The following SRC variants were observed in gnomAD, a reference collection of about 807,000 sequenced individuals.
SRC encodes proto-oncogene tyrosine-protein kinase Src.
SRC carries 13 observed loss-of-function variants against 62.9 expected under a neutral mutation model. The observed-to-expected ratio is 0.21, with a 90% CI of 0.13 to 0.33. The LOEUF (loss-of-function observed/expected upper bound fraction) is 0.33, where lower values mean the gene tolerates loss of function less well. Among genes scored for constraint, SRC ranks in the 10% least tolerant of loss-of-function variants. The pLI, the probability that SRC is intolerant of heterozygous loss-of-function variation, is 1.00. For missense variants in SRC, 457 were observed against 737.3 expected (o/e 0.62, Z 4.40); for synonymous variants, 302 against 317.5 (o/e 0.95, Z 0.52).
chr20:37,403,584 G>A lies in SRC; in HGVS notation c.*205G>A. The stretch of plus-strand genomic sequence containing the variant: ...AGAGGGCGGTGGGTATGCGAGACCA[G>A]CACGGTGACTCTGTCCAGCTCCCGC... On this transcript the variant is annotated 3_prime_UTR_variant, in exon 14 of 14. Coordinates refer to ENST00000373578, the MANE Select transcript of SRC (RefSeq NM_198291.3). This position sits in a 1 kb window ranked among gnomAD's most constrained non-coding sequence, Gnocchi z 7.1. The A allele has an allele frequency of 5.0e-6, 3 of 605,472 alleles. No individual in the cohort carries two copies. Among genetic ancestry groups the A allele is most frequent in the Non-Finnish European group, 8.7e-6 (3 of 344,038 alleles). The allele number at this position is 605,472 out of a possible 1,614,324, so 37.5% of individuals were successfully genotyped here. A position where few individuals can be genotyped will look rare whatever the true frequency, so the allele number is the denominator to read the frequency against.
intron 5 of SRC, among the ~76,000 whole-genome samples, chr20:37,389,135 C>A (rs1159516604): frequency 6.6e-6 from 1 of 152,138 alleles, no homozygotes; most frequent in Non-Finnish European, 1.5e-5. Context: ...ATCTTGCTGC[C>A]ACATGGCCCT....
chr20:37,347,468 G>C (rs774825673), intron 1 of SRC, among the ~76,000 whole-genome samples: 1 of 152,224 alleles, frequency 6.6e-6, no homozygotes, highest in African/African-American at 2.4e-5. Context: ...GCAGGTAGAG[G>C]CTTGGCGTGT....
intron 1 of SRC, among the ~76,000 whole-genome samples, chr20:37,362,127 T>C (rs1283054664): frequency 6.6e-6 from 1 of 152,032 alleles, no homozygotes; most frequent in Non-Finnish European, 1.5e-5. Context: ...TAATCATAGC[T>C]CACTGCAGCC....
At chr20:37,386,202 C>G in intron 5 of SRC, 28 bp downstream of exon 5, 1 of 1,600,538 alleles carries the variant, frequency 6.2e-7, no homozygotes, top group South Asian at 1.1e-5. Context: ...TATTGCCCCT[C>G]AGGGCTGGGT....
intron 2 of SRC, among the ~76,000 whole-genome samples, chr20:37,369,783 TTTTC>T (rs1402508480): frequency 6.6e-6 from 1 of 151,960 alleles, no homozygotes; most frequent in Non-Finnish European, 1.5e-5. Flanking sequence ...TCTTTTTCTT[TTTTC>T]TTTTCTTTCT....
At chr20:37,376,560 A>G (rs1326514909) in intron 2 of SRC, among the ~76,000 whole-genome samples, 3 of 152,148 alleles carry the variant, frequency 2.0e-5, no homozygotes, top group African/African-American at 2.4e-5. Flanking sequence ...CTGGAGTGCA[A>G]TGGCACAATG....
intron 2 of SRC, among the ~76,000 whole-genome samples, chr20:37,377,569 T>A (rs1379704629): frequency 6.6e-6 from 1 of 152,108 alleles, no homozygotes; most frequent in Admixed American, 6.5e-5. Flanking sequence ...GTTGGGTAGA[T>A]CATTGTGGGA....
intron 2 of SRC, among the ~76,000 whole-genome samples, chr20:37,380,181 A>C (rs1373035281): frequency 6.6e-6 from 1 of 151,874 alleles, no homozygotes; most frequent in African/African-American, 2.4e-5. Flanking sequence ...TTCTGCTCGG[A>C]GCTTTCTCAG....
At chr20:37,361,501 G>A (rs2069969301) in intron 1 of SRC, among the ~76,000 whole-genome samples, 1 of 152,228 alleles carries the variant, frequency 6.6e-6, no homozygotes, top group Admixed American at 6.5e-5. Context: ...AGGCGCTCCT[G>A]CCCACCAGTG....
chr20:37,368,846 C>T (rs563146789), intron 2 of SRC, among the ~76,000 whole-genome samples: 6 of 152,218 alleles, frequency 3.9e-5, no homozygotes, highest in African/African-American at 9.6e-5. Context: ...CCACCGCGCC[C>T]GGCTATGCCT....
chr20:37,347,468 G>T (rs774825673), intron 1 of SRC, among the ~76,000 whole-genome samples: 5 of 152,224 alleles, frequency 3.3e-5, no homozygotes, highest in African/African-American at 9.7e-5. Context: ...GCAGGTAGAG[G>T]CTTGGCGTGT....
At chr20:37,377,993 C>A (rs117509667) in intron 2 of SRC, among the ~76,000 whole-genome samples, 2 of 151,606 alleles carry the variant, frequency 1.3e-5, no homozygotes, top group Non-Finnish European at 2.9e-5. Context: ...GTAGGGTATC[C>A]GTCACCTCAG....
At position 37,405,282 on chromosome 20, in the gene SRC, C is replaced by T. The variant is rs2070810932; in HGVS notation, c.*1903C>T. On this transcript the variant is annotated 3_prime_UTR_variant, in exon 14 of 14. Transcript: ENST00000373578. The stretch of plus-strand genomic sequence containing the variant: ...AGATTTCAGATGACTATGCAGAGGC[C>T]TGGGGGACCCCTGGCTCTGGGCCGG... The T allele has an allele frequency of 7.1e-6, 1 of 140,020 alleles. No homozygotes were observed. The highest frequency in any genetic ancestry group is 2.7e-4 in the South Asian group (1 of 3,690). 8.7% of individuals were successfully genotyped at this position (140,020 alleles called of 1,614,324 possible).
intron 5 of SRC, among the ~76,000 whole-genome samples, chr20:37,392,567 G>GAA (rs1412747630): frequency 1.3e-5 from 2 of 152,176 alleles, no homozygotes; most frequent in Non-Finnish European, 2.9e-5. Context: ...GGATTGAGAA[G>GAA]AGCCCAGCAA....
chr20:37,393,024 GC>G (rs1409071240), intron 5 of SRC, among the ~76,000 whole-genome samples: 2 of 152,046 alleles, frequency 1.3e-5, no homozygotes, highest in East Asian at 3.9e-4. Flanking sequence ...AGGTACTTCC[GC>G]CCCTCCCCGC....
intron 5 of SRC, among the ~76,000 whole-genome samples, chr20:37,389,809 G>T (rs891611709): frequency 6.6e-5 from 10 of 152,312 alleles, no homozygotes; most frequent in Admixed American, 6.5e-4. Flanking sequence ...CTGGTGACCA[G>T]CAGTTGTGAA....
In SRC at chr20:37,396,377, C is replaced by T; in HGVS notation, c.703+66C>T. On this transcript the variant is annotated intron_variant, in intron 8 of 13. Coordinates refer to ENST00000373578, the MANE Select transcript of SRC (RefSeq NM_198291.3). This position sits in a 1 kb window ranked among gnomAD's most constrained non-coding sequence, Gnocchi z 6.1. ...CTCAGCTGCAGACTCTGGGGAGGGGCCTTGGAGCCTAGAAGGGTGGGGACT... is the reference window on the plus strand; with the variant it reads ...CTCAGCTGCAGACTCTGGGGAGGGGTCTTGGAGCCTAGAAGGGTGGGGACT... 2 of 1,587,212 alleles carry T rather than the reference C, an allele frequency of 1.3e-6. No individual in the cohort carries two copies. The highest frequency in any genetic ancestry group is 1.7e-6 in the Non-Finnish European group (2 of 1,168,388).
chr20:37,366,634 G>A (rs1340438443), intron 2 of SRC, among the ~76,000 whole-genome samples: 1 of 152,172 alleles, frequency 6.6e-6, no homozygotes, highest in Non-Finnish European at 1.5e-5. Flanking sequence ...ATTCAAGTGT[G>A]CTCTTTTGTG....
At chr20:37,345,377 C>T (rs1192685691), upstream of SRC, among the ~76,000 whole-genome samples, 2 of 152,130 alleles carry the variant, frequency 1.3e-5, no homozygotes, top group African/African-American at 2.4e-5. Flanking sequence ...TTCAGAGGTA[C>T]TTAGCCTCTT....
Sources: gnomAD v4.1 joint callset for allele counts (sites outside exome capture counted in the v4.1 genomes callset) on GRCh38, gnomAD v4.1.1 for gene constraint, Gnocchi (gnomAD v3.1) non-coding constraint, MANE v1.5 for transcripts, NCBI Gene and HGNC (gene_info 2026-07-23, HGNC 2026-07-21) for gene names.